SCLT1: variants seen among roughly 807,000 people sequenced by gnomAD.
SCLT1 encodes sodium channel and clathrin linker 1, also known as sodium channel-associated protein 1.
A neutral mutation model predicts 112.8 loss-of-function variants in SCLT1; 78 were observed. That is an observed-to-expected ratio of 0.69 (90% CI 0.58 to 0.83). SCLT1 has a LOEUF of 0.83. Ranked by LOEUF, SCLT1 falls within the 40% of genes least tolerant of loss-of-function variation. The probability of loss-of-function intolerance (pLI) is 0.00; values close to 1 mark genes in which losing one functional copy is unlikely to be tolerated. For missense variants in SCLT1, 747 were observed against 770.4 expected, an observed-to-expected ratio of 0.97 and a Z score of 0.36; for synonymous variants, 257 against 254.7, an observed-to-expected ratio of 1.01 and a Z score of -0.09.
At chr4:129,003,678 A>T in intron 6 of SCLT1, 63 bp downstream of exon 6, 1 of 1,242,948 alleles carries the variant, frequency 8.0e-7, no homozygotes, top group Non-Finnish European at 1.1e-6. Flanking sequence ...ATAATGATTA[A>T]CATGAATTTT....
intron 2 of SCLT1, among the ~76,000 whole-genome samples, chr4:129,070,860 A>C (rs1750943552): frequency 6.6e-6 from 1 of 151,910 alleles, no homozygotes; most frequent in African/African-American, 2.4e-5. Flanking sequence ...TTGAGGTGTG[A>C]CCTTGGAATG....
intron 18 of SCLT1, among the ~76,000 whole-genome samples, chr4:128,906,759 A>T (rs1429296044): frequency 4.6e-5 from 7 of 151,896 alleles, no homozygotes; most frequent in Non-Finnish European, 8.8e-5. Context: ...AGTGCCTGTT[A>T]CATGCTACAT....
chr4:129,064,561 A>AT (rs1750302745), intron 2 of SCLT1, among the ~76,000 whole-genome samples: 1 of 152,076 alleles, frequency 6.6e-6, no homozygotes, highest in Non-Finnish European at 1.5e-5. Context: ...TCAGCATTGT[A>AT]TTTTTGTTTT....
intron 18 of SCLT1, among the ~76,000 whole-genome samples, chr4:128,911,958 G>A (rs541284881): frequency 6.6e-6 from 1 of 152,264 alleles, no homozygotes; most frequent in East Asian, 1.9e-4. Flanking sequence ...CTTTTTAAAA[G>A]GCATATTTTC....
At chr4:128,965,144 C>A in intron 11 of SCLT1, 83 bp downstream of exon 11, 1 of 683,216 alleles carries the variant, frequency 1.5e-6, no homozygotes, top group South Asian at 1.9e-5. Flanking sequence ...AATATTTATT[C>A]TAGTAAATAT....
chr4:128,968,277 T>G (rs927178721), intron 10 of SCLT1, among the ~76,000 whole-genome samples: 5 of 152,232 alleles, frequency 3.3e-5, no homozygotes, highest in African/African-American at 1.2e-4. Context: ...TTTTAAACTC[T>G]CTGTTCTTTG....
At chr4:129,030,886 T>C (rs1375777289) in intron 5 of SCLT1, among the ~76,000 whole-genome samples, 2 of 152,050 alleles carry the variant, frequency 1.3e-5, no homozygotes, top group Non-Finnish European at 2.9e-5. Context: ...AATATTCTGT[T>C]GATGTGGGGT....
At chr4:129,061,356 C>A (rs1317423904) in intron 2 of SCLT1, among the ~76,000 whole-genome samples, 2 of 152,078 alleles carry the variant, frequency 1.3e-5, no homozygotes, top group Non-Finnish European at 2.9e-5. Context: ...AGGGGCTAGT[C>A]CAGCTCCAGG....
At chr4:129,003,660 A>T (rs1314462303) in intron 6 of SCLT1, 81 bp downstream of exon 6, 3 of 1,076,318 alleles carry the variant, frequency 2.8e-6, no homozygotes, top group East Asian at 5.3e-5. Context: ...TTATTTTGTT[A>T]TCCATAAATA....
Position 128,906,434 on chromosome 4 carries a change from G to A in SCLT1, c.1830-15297C>T, listed in dbSNP as rs980917534. On this transcript the variant is annotated intron_variant, in intron 18 of 20. Coordinates refer to ENST00000281142, the MANE Select transcript of SCLT1 (RefSeq NM_144643.4). ...AGGATGGTCTTGATCTCCTGACCTC[G>A]TGATCCGCCCGCTTCGGCCTCCCAA... is the stretch of plus-strand genomic sequence containing the variant. Among the ~76,000 whole-genome samples the A allele has an allele frequency of 5.9e-5, 9 of 152,102 alleles. No homozygotes were observed. In the East Asian group the frequency reaches 1.2e-3, roughly 20 times the overall value.
intron 5 of SCLT1, among the ~76,000 whole-genome samples, chr4:129,019,169 T>C (rs1256822747): frequency 1.3e-5 from 2 of 152,168 alleles, no homozygotes; most frequent in Non-Finnish European, 2.9e-5. Flanking sequence ...CTGAGTTCCA[T>C]ATAAATTCAG....
chr4:128,995,395 T>C (rs150290054), intron 8 of SCLT1, among the ~76,000 whole-genome samples: 1 of 152,330 alleles, frequency 6.6e-6, no homozygotes, highest in East Asian at 1.9e-4. Context: ...TCATGAGAGT[T>C]ATTTTTAATT....
intron 9 of SCLT1, among the ~76,000 whole-genome samples, chr4:128,990,709 A>T (rs1742488956): frequency 6.6e-6 from 1 of 151,772 alleles, no homozygotes; most frequent in Admixed American, 6.6e-5. Context: ...GATTCAACCA[A>T]CAAAACTATT....
At chr4:129,019,967 G>A (rs1745319747) in intron 5 of SCLT1, among the ~76,000 whole-genome samples, 1 of 151,714 alleles carries the variant, frequency 6.6e-6, no homozygotes, top group Non-Finnish European at 1.5e-5. Context: ...TAAAATCCCT[G>A]AAGAACTCTC....
intron 6 of SCLT1, among the ~76,000 whole-genome samples, chr4:129,002,677 GA>G (rs1743617966): frequency 2.0e-5 from 3 of 151,860 alleles, no homozygotes; most frequent in Non-Finnish European, 4.4e-5. Flanking sequence ...ACAAACATAT[GA>G]AAAAAAGCTC....
chr4:128,961,117 G>A (rs901877528), intron 11 of SCLT1, among the ~76,000 whole-genome samples: 4 of 150,968 alleles, frequency 2.6e-5, no homozygotes, highest in African/African-American at 4.9e-5. Context: ...CAACTTTTGC[G>A]ATTTCAGTTT....
intron 5 of SCLT1, among the ~76,000 whole-genome samples, chr4:129,035,361 G>C (rs964120111): frequency 6.6e-6 from 1 of 152,058 alleles, no homozygotes; most frequent in African/African-American, 2.4e-5. Flanking sequence ...AGCTCCACAA[G>C]GGACTTTCAT....
chr4:128,995,206 T>C (rs1198247002), intron 8 of SCLT1, among the ~76,000 whole-genome samples: 1 of 152,152 alleles, frequency 6.6e-6, no homozygotes, highest in Non-Finnish European at 1.5e-5. Flanking sequence ...TTGTGTGTTG[T>C]GTAAGATAAG....
At chr4:129,007,456 T>C (rs1311983424) in intron 5 of SCLT1, among the ~76,000 whole-genome samples, 1 of 152,194 alleles carries the variant, frequency 6.6e-6, no homozygotes, top group Non-Finnish European at 1.5e-5. Context: ...TCATATCTTT[T>C]GGGCAAATAT....
Sources: allele counts gnomAD v4.1 joint callset (sites outside exome capture counted in the v4.1 genomes callset), GRCh38; gene constraint gnomAD v4.1.1; transcripts MANE v1.5; gene names NCBI Gene and HGNC (gene_info 2026-07-23, HGNC 2026-07-21).